Variants in PIP5K1A observed in about 807,000 individuals in gnomAD.
The protein encoded by PIP5K1A is phosphatidylinositol 4-phosphate 5-kinase type-1 alpha.
PIP5K1A carries 46 observed loss-of-function variants against 72.9 expected under a neutral mutation model. The ratio of observed to expected loss-of-function variants is 0.63; its 90% CI spans 0.50 to 0.81. PIP5K1A has a LOEUF of 0.81. Ranked by LOEUF, PIP5K1A falls within the 30% of genes least tolerant of loss-of-function variation. PIP5K1A has a pLI of 0.00. For synonymous variants in PIP5K1A, 228 were observed against 255.1 expected (o/e 0.89, Z 1.01); for missense variants, 458 against 706.1 (o/e 0.65, Z 3.98).
intron 3 of PIP5K1A, among the ~76,000 whole-genome samples, chr1:151,226,298 G>T (rs587767170): frequency 6.6e-6 from 1 of 151,644 alleles, no homozygotes; most frequent in Non-Finnish European, 1.5e-5. Context: ...TCTTGGCCAG[G>T]CTGGTCTTGA....
At chr1:151,240,934 G>C (rs1028057545) in intron 12 of PIP5K1A, among the ~76,000 whole-genome samples, 1 of 152,184 alleles carries the variant, frequency 6.6e-6, no homozygotes, top group African/African-American at 2.4e-5. Context: ...GGAGGCCAAA[G>C]CAGGTGGATC....
chr1:151,208,720 T>C (rs1246730519), intron 1 of PIP5K1A, among the ~76,000 whole-genome samples: 3 of 28,976 alleles, frequency 1.0e-4, no homozygotes, highest in African/African-American at 1.4e-4. Flanking sequence ...AATGGTACGC[T>C]TTTTTTTTTT....
At chr1:151,196,446 T>G (rs1245177933), upstream of PIP5K1A, among the ~76,000 whole-genome samples, 1 of 152,064 alleles carries the variant, frequency 6.6e-6, no homozygotes, top group Admixed American at 6.6e-5. Flanking sequence ...TTGTCTACTT[T>G]CGGTGCCCAA....
At chr1:151,247,108 T>A (rs1292363736) in intron 15 of PIP5K1A, 143 bp downstream of exon 15, 2 of 406,496 alleles carry the variant, frequency 4.9e-6, no homozygotes, top group Non-Finnish European at 8.9e-6. Flanking sequence ...ATTATTTTTT[T>A]ATTTTGTACT....
intron 1 of PIP5K1A, among the ~76,000 whole-genome samples, chr1:151,208,659 G>A (rs372510919): frequency 1.5e-4 from 23 of 149,186 alleles, no homozygotes; most frequent in Middle Eastern, 3.5e-3. Context: ...GCGTCCGGCC[G>A]TGGCTTGGTT....
chr1:151,232,774 C>A, intron 7 of PIP5K1A, 71 bp downstream of exon 7: 2 of 1,324,868 alleles, frequency 1.5e-6, no homozygotes, highest in Non-Finnish European at 2.1e-6. Context: ...CTGTCTTCAG[C>A]AGGGTAAAAC....
upstream of PIP5K1A, chr1:151,197,814 C>CAGG (rs1684693500): frequency 3.3e-6 from 1 of 303,580 alleles, no homozygotes; most frequent in Admixed American, 4.9e-5. Context: ...GTCTTCCCAC[C>CAGG]AGGGTTCATA....
In PIP5K1A at chr1:151,209,861, C is replaced by G. The variant is rs114897316; in HGVS notation, c.85+10780C>G. Among the ~76,000 whole-genome samples, 904 of 151,938 alleles carry G rather than the reference C, an allele frequency of 5.9e-3. 7 individuals are homozygous for G. The highest frequency in any genetic ancestry group is 0.01 in the Admixed American group (157 of 15,228). On this transcript the variant is annotated intron_variant, in intron 1 of 15. Coordinates refer to ENST00000368888, the MANE Select transcript of PIP5K1A (RefSeq NM_001135638.2). ...TGCTGGAGTTACAGGCGTGAGTCAC[C>G]ACGACTAGCCTGCATTTTTTTTTCT...
chr1:151,198,946 A>G lies in PIP5K1A; in HGVS notation c.-51A>G, dbSNP rs377542896. The G allele has an allele frequency of 3.3e-6, 5 of 1,526,820 alleles. No homozygotes were observed. Among genetic ancestry groups the G allele is most frequent in the Admixed American group, 1.7e-5 (1 of 59,466 alleles). The allele number at this position is 1,526,820 out of a possible 1,614,324, so 94.6% of individuals were successfully genotyped here. On this transcript the variant is annotated 5_prime_UTR_variant, in exon 1 of 16. Coordinates refer to ENST00000368888, the MANE Select transcript of PIP5K1A (RefSeq NM_001135638.2). ...GGAAGATTCGATTCCGAGAAGAGGA[A>G]GAACCGGATTGAAAGAGAGCCAGGC...
intron 4 of PIP5K1A, among the ~76,000 whole-genome samples, chr1:151,227,664 G>A (rs1392466879): frequency 6.6e-6 from 1 of 152,180 alleles, no homozygotes; most frequent in Non-Finnish European, 1.5e-5. Context: ...GCCGAGGCAG[G>A]CAGATCATTT....
At chr1:151,233,883 C>T (rs1215561802) in intron 7 of PIP5K1A, 2 of 276,872 alleles carry the variant, frequency 7.2e-6, no homozygotes, top group Non-Finnish European at 1.4e-5. Flanking sequence ...GCCTTACCAT[C>T]CCCAAGAATA....
chr1:151,245,222 G>A (rs1044679231), intron 14 of PIP5K1A, among the ~76,000 whole-genome samples: 7 of 152,040 alleles, frequency 4.6e-5, no homozygotes, highest in African/African-American at 7.3e-5. Flanking sequence ...GGAAATCTCC[G>A]TAGCTAGATT....
chr1:151,223,664 C>CA (rs1688713642), intron 1 of PIP5K1A, among the ~76,000 whole-genome samples: 1 of 132,802 alleles, frequency 7.5e-6, no homozygotes, highest in Non-Finnish European at 1.6e-5. Context: ...AAAAAAGCGA[C>CA]AGAGCGAGAC....
At position 151,232,531 on chromosome 1, in the gene PIP5K1A, T is replaced by A; in HGVS notation, c.487-20T>A. 1 of 1,591,592 alleles carries A rather than the reference T, an allele frequency of 6.3e-7. No homozygotes were observed. The highest frequency in any genetic ancestry group is 8.5e-7 in the Non-Finnish European group (1 of 1,170,520). On this transcript the variant is annotated intron_variant, in intron 6 of 15. Transcript: ENST00000368888. ...GCCCTGATGTGTCTAAATCTCTTAG[T>A]TCTTCTCTGTTTGCCCCAGTATTCC...
chr1:151,225,341 CT>C (rs1480725333), intron 3 of PIP5K1A, among the ~76,000 whole-genome samples: 2 of 152,152 alleles, frequency 1.3e-5, no homozygotes, highest in Non-Finnish European at 2.9e-5. Flanking sequence ...TTCCACTAGT[CT>C]CTCAGCCTTC....
At chr1:151,196,968 C>T (rs1684607610), upstream of PIP5K1A, among the ~76,000 whole-genome samples, 1 of 150,022 alleles carries the variant, frequency 6.7e-6, no homozygotes. Flanking sequence ...TCAAGCGATT[C>T]TCCTGCCTCA....
chr1:151,198,728 T>G lies in PIP5K1A; in HGVS notation c.-269T>G, dbSNP rs1558224523. 1 of 534,094 alleles carries G rather than the reference T, an allele frequency of 1.9e-6. No individual in the cohort carries two copies. Among genetic ancestry groups the G allele is most frequent in the Non-Finnish European group, 3.4e-6 (1 of 295,750 alleles). The allele number at this position is 534,094 out of a possible 1,614,324, so 33.1% of individuals were successfully genotyped here. On this transcript the variant is annotated 5_prime_UTR_variant, in exon 1 of 16. Transcript: ENST00000368888. ...AGCAGCCAGCTTAAGCTTACTCTTC[T>G]GTGAAAGGGGAAAGTATCCCCTGTG...
Position 151,198,949 on chromosome 1 carries a change from A to C in PIP5K1A, c.-48A>C. 1 of 1,542,134 alleles carries C rather than the reference A, an allele frequency of 6.5e-7. No individual in the cohort carries two copies. The highest frequency in any genetic ancestry group is 9.0e-7 in the Non-Finnish European group (1 of 1,115,646). ...AGATTCGATTCCGAGAAGAGGAAGA[A>C]CCGGATTGAAAGAGAGCCAGGCCGC... On this transcript the variant is annotated 5_prime_UTR_variant, in exon 1 of 16. Transcript: ENST00000368888.
At chr1:151,244,326 A>G (rs1389523184) in intron 14 of PIP5K1A, among the ~76,000 whole-genome samples, 1 of 152,214 alleles carries the variant, frequency 6.6e-6, no homozygotes, top group Non-Finnish European at 1.5e-5. Flanking sequence ...TTTACATTGT[A>G]TTAGTTATCA....
Sources: allele counts gnomAD v4.1 joint callset (sites outside exome capture counted in the v4.1 genomes callset), GRCh38; gene constraint gnomAD v4.1.1; transcripts MANE v1.5; gene names NCBI Gene and HGNC (gene_info 2026-07-23, HGNC 2026-07-21).